PTK2B: variants seen among roughly 807,000 people sequenced by gnomAD.
The protein encoded by PTK2B is protein-tyrosine kinase 2-beta.
In PTK2B, 71 loss-of-function variants were observed where a neutral mutation model predicts 142.9. That is an observed-to-expected ratio of 0.50 (90% CI 0.41 to 0.61). PTK2B has a LOEUF of 0.61. Among genes scored for constraint, PTK2B ranks in the 20% least tolerant of loss-of-function variants. The pLI, the probability that PTK2B is intolerant of heterozygous loss-of-function variation, is 0.00. For synonymous variants in PTK2B, 519 were observed against 503.4 expected (o/e 1.03, Z -0.42); for missense variants, 1,105 against 1,320.4 (o/e 0.84, Z 2.53).
At chr8:27,345,522 C>T (rs3735759) in intron 1 of PTK2B, among the ~76,000 whole-genome samples, 132,305 of 152,144 alleles carry the variant, frequency 0.87, 58,315 homozygotes, top group African/African-American at 0.97. Flanking sequence ...GAGGACAACC[C>T]CTCTTGGAGA....
chr8:27,345,305 A>G (rs1804650296), intron 1 of PTK2B, among the ~76,000 whole-genome samples: 1 of 152,218 alleles, frequency 6.6e-6, no homozygotes, highest in South Asian at 2.1e-4. Context: ...TCATCTTCTA[A>G]CTGCAATGAT....
rs73565994 is a variant in PTK2B, at chr8:27,348,665, C to T, written c.-38+22984C>T. Among the ~76,000 whole-genome samples, 830 of 152,214 alleles carry T rather than the reference C, an allele frequency of 5.5e-3. 5 individuals are homozygous for T. The highest frequency in any genetic ancestry group is 0.019 in the African/African-American group (771 of 41,504). ...GCTCCAGAGATAGTGGCTCATCATC[C>T]GGGGGCCCAAATTGGTTGTTGCTTG... is the stretch of plus-strand genomic sequence containing the variant. On this transcript the variant is annotated intron_variant, in intron 1 of 30. Coordinates refer to ENST00000346049, the MANE Select transcript of PTK2B (RefSeq NM_173176.3).
intron 1 of PTK2B, among the ~76,000 whole-genome samples, chr8:27,368,669 A>G (rs141433887): frequency 2.6e-5 from 4 of 152,148 alleles, no homozygotes; most frequent in Non-Finnish European, 5.9e-5. Context: ...CCATCCCATT[A>G]TCTCATTGTC....
chr8:27,445,461 C>T (rs1467715217), intron 23 of PTK2B, among the ~76,000 whole-genome samples: 1 of 152,116 alleles, frequency 6.6e-6, no homozygotes, highest in Non-Finnish European at 1.5e-5. Context: ...GGTGTGTTAA[C>T]CACATCAGTC....
chr8:27,372,898 T>A (rs563156037), intron 1 of PTK2B, among the ~76,000 whole-genome samples: 1 of 152,096 alleles, frequency 6.6e-6, no homozygotes, highest in Non-Finnish European at 1.5e-5. Context: ...ATTAGAGAGT[T>A]CATATACAAA....
At chr8:27,405,035 C>CCTCTCTCTCTCTCTCTCT (rs3076734) in intron 2 of PTK2B, among the ~76,000 whole-genome samples, 7,282 of 118,114 alleles carry the variant, frequency 0.062, 602 homozygotes, top group Non-Finnish European at 0.088. Flanking sequence ...TCTTTCTCTT[C>CCTCTCTCTCTCTCTCTCT]CTCTCTCTCT....
chr8:27,445,402 G>A (rs561584064), intron 23 of PTK2B, among the ~76,000 whole-genome samples: 2 of 152,316 alleles, frequency 1.3e-5, no homozygotes, highest in East Asian at 1.9e-4. Context: ...AACAGAGCAA[G>A]AGCCTATCTG....
At chr8:27,433,725 G>T (rs1033297686) in intron 11 of PTK2B, among the ~76,000 whole-genome samples, 173 bp downstream of exon 11, 14 of 152,238 alleles carry the variant, frequency 9.2e-5, no homozygotes, top group South Asian at 8.3e-4. Context: ...GCCCTGGCCG[G>T]TCCACCTACC....
chr8:27,316,052 T>G (rs1332020160), intron 3 of PTK2B, among the ~76,000 whole-genome samples: 1 of 152,188 alleles, frequency 6.6e-6, no homozygotes, highest in Non-Finnish European at 1.5e-5. Context: ...ACAAAGGACC[T>G]TATTCAGAGG....
chr8:27,452,866 C>A (rs1453733124), intron 27 of PTK2B: 3 of 562,396 alleles, frequency 5.3e-6, no homozygotes, highest in Non-Finnish European at 9.5e-6. Flanking sequence ...GGCACCACTG[C>A]AATCCCCCCA....
intron 1 of PTK2B, among the ~76,000 whole-genome samples, chr8:27,334,720 C>A (rs570591973): frequency 6.6e-6 from 1 of 152,238 alleles, no homozygotes; most frequent in African/African-American, 2.4e-5. Flanking sequence ...ACGGAGTGAG[C>A]CAGACAGCGC....
intron 1 of PTK2B, among the ~76,000 whole-genome samples, chr8:27,372,200 T>C (rs2130942251): frequency 6.6e-6 from 1 of 152,338 alleles, no homozygotes; most frequent in South Asian, 2.1e-4. Flanking sequence ...CTCAAAGGCG[T>C]AACTGTCTTT....
chr8:27,435,664 A>T (rs1432425079), intron 13 of PTK2B, 79 bp from the exon 14 acceptor site: 1 of 1,527,408 alleles, frequency 6.5e-7, no homozygotes, highest in Non-Finnish European at 9.1e-7. Context: ...GGCCTCCAGC[A>T]GGGAGCCCCA....
At chr8:27,401,418 G>C (rs1172589002) in intron 2 of PTK2B, among the ~76,000 whole-genome samples, 1 of 152,168 alleles carries the variant, frequency 6.6e-6, no homozygotes, top group African/African-American at 2.4e-5. Context: ...AATCATCTTT[G>C]TTTGGGCAAT....
At chr8:27,324,737 T>G (rs1290787918), upstream of PTK2B, among the ~76,000 whole-genome samples, 2 of 152,108 alleles carry the variant, frequency 1.3e-5, no homozygotes, top group African/African-American at 4.8e-5. Context: ...GGAGAGGACA[T>G]TGTAGGATGA....
At chr8:27,335,708 T>C (rs1804019608) in intron 1 of PTK2B, among the ~76,000 whole-genome samples, 1 of 152,080 alleles carries the variant, frequency 6.6e-6, no homozygotes. Flanking sequence ...GCACAGGAGC[T>C]GCCCTGAGCC....
At chr8:27,432,750 CAG>C (rs1554505382) in intron 10 of PTK2B, among the ~76,000 whole-genome samples, 1 of 132,354 alleles carries the variant, frequency 7.6e-6, no homozygotes, top group Non-Finnish European at 1.6e-5. Flanking sequence ...GTAAAACACC[CAG>C]AGAGACCTCA....
At chr8:27,382,140 C>T (rs1586200640) in intron 1 of PTK2B, among the ~76,000 whole-genome samples, 1 of 152,042 alleles carries the variant, frequency 6.6e-6, no homozygotes, top group African/African-American at 2.4e-5. Flanking sequence ...TAGAGAGGGG[C>T]TTTCCCCATG....
intron 1 of PTK2B, among the ~76,000 whole-genome samples, chr8:27,387,926 CT>C (rs1807472916): frequency 6.6e-6 from 1 of 151,464 alleles, no homozygotes; most frequent in South Asian, 2.1e-4. Flanking sequence ...ATTTCAAGAA[CT>C]TTTTTTGATC....
Sources: gnomAD v4.1 joint callset for allele counts (sites outside exome capture counted in the v4.1 genomes callset) on GRCh38, gnomAD v4.1.1 for gene constraint, MANE v1.5 for transcripts, NCBI Gene and HGNC (gene_info 2026-07-23, HGNC 2026-07-21) for gene names.